TACR2: variants seen among roughly 807,000 people sequenced by gnomAD.
The protein encoded by TACR2 is substance-K receptor.
Under a neutral mutation model 28.9 loss-of-function variants are expected in TACR2, and 24 were observed. The observed-to-expected ratio is 0.83, with a 90% CI of 0.60 to 1.17. TACR2 has a LOEUF of 1.17. TACR2 is among the 50% of genes most tolerant of loss of function. The probability of loss-of-function intolerance (pLI) is 0.00; values close to 1 mark genes in which losing one functional copy is unlikely to be tolerated. For synonymous variants in TACR2, 222 were observed against 212.6 expected, an observed-to-expected ratio of 1.04 and a Z score of -0.38; for missense variants, 487 against 524.4, an observed-to-expected ratio of 0.93 and a Z score of 0.70.
chr10:69,412,559 G>A (rs201983044), intron 2 of TACR2, among the ~76,000 whole-genome samples: 92 of 152,276 alleles, frequency 6.0e-4, no homozygotes, highest in Non-Finnish European at 1.2e-3. Flanking sequence ...ATTTAATCAT[G>A]ACCAAATTTC....
At chr10:69,407,953 G>T (rs142159613) in intron 3 of TACR2, among the ~76,000 whole-genome samples, 2 of 152,174 alleles carry the variant, frequency 1.3e-5, no homozygotes, top group Non-Finnish European at 2.9e-5. Flanking sequence ...ACCAGATGGC[G>T]CCCATGTGCA....
chr10:69,415,204 C>T, intron 1 of TACR2, 65 bp from the exon 2 acceptor site: 1 of 1,518,840 alleles, frequency 6.6e-7, no homozygotes, highest in Non-Finnish European at 8.9e-7. Flanking sequence ...TTTCCCCTGT[C>T]TCCCTCTCTC....
At chr10:69,406,967 C>T in intron 4 of TACR2, 117 bp downstream of exon 4, 1 of 1,072,034 alleles carries the variant, frequency 9.3e-7, no homozygotes, top group Non-Finnish European at 1.4e-6. Context: ...GCTGGGGGCA[C>T]AGGGCCACAG....
intron 1 of TACR2, among the ~76,000 whole-genome samples, chr10:69,415,415 A>G (rs1446624865): frequency 6.6e-6 from 1 of 152,224 alleles, no homozygotes; most frequent in Non-Finnish European, 1.5e-5. Context: ...GCCACAAGAA[A>G]GCCACACTGG....
chr10:69,404,864 C>A lies in TACR2; in HGVS notation c.1159G>T (p.Gly387Cys). The A allele has an allele frequency of 6.3e-7, 1 of 1,585,158 alleles. No homozygotes were observed. The highest frequency in any genetic ancestry group is 1.1e-5 in the South Asian group (1 of 88,308). Residue 387 changes from glycine (G) to cysteine (C), a missense_variant, in exon 5 of 5, where the codon GGT becomes TGT. Gly to Cys is a radical substitution (Grantham distance 159). Coordinates refer to ENST00000373306, the MANE Select transcript of TACR2 (RefSeq NM_001057.3). ...TGAGTTTTGGTGGGGGCAAGCAAAC[C>A]ATACCCAAACCATAGCCCTGATCCA... ...QDGSGLWFGYGLLAPTKTHVE... is the reference protein window; with the variant it reads ...QDGSGLWFGYCLLAPTKTHVE...
intron 2 of TACR2, among the ~76,000 whole-genome samples, chr10:69,412,429 A>G (rs1391319370): frequency 1.3e-5 from 2 of 152,168 alleles, no homozygotes; most frequent in Non-Finnish European, 2.9e-5. Flanking sequence ...AGGAGGGGCA[A>G]CGAGGGCCAG....
rs1446034068 is a variant in TACR2 at position 69,415,129 on chromosome 10, T to C, written c.403A>G (p.Ile135Val). The C allele has an allele frequency of 1.9e-6, 3 of 1,611,680 alleles. No homozygotes were observed. The highest frequency in any genetic ancestry group is 1.7e-5 in the Admixed American group (1 of 59,984). Residue 135 changes from isoleucine to valine, a missense_variant, in exon 2 of 5, where the codon ATC (isoleucine) becomes GTC (valine). Ile to Val is a conservative substitution (Grantham distance 29, BLOSUM62 3). Coordinates refer to ENST00000373306, the MANE Select transcript of TACR2 (RefSeq NM_001057.3). ...AGCCGAGGCTGGAAGGGGTGGACGA[T>C]GGCCATGTACCTGTGAGCAGAGGGC... ...TAIAADRYMAIVHPFQPRLSA... is the reference protein window; with the variant it reads ...TAIAADRYMAVVHPFQPRLSA...
intron 2 of TACR2, among the ~76,000 whole-genome samples, chr10:69,409,941 ATAAT>A (rs1840555260): frequency 9.7e-6 from 1 of 103,362 alleles, no homozygotes; most frequent in South Asian, 3.4e-4. Flanking sequence ...ATATATATAT[ATAAT>A]CTGTATCTGT....
chr10:69,409,535 C>G (rs1024506553), intron 2 of TACR2, among the ~76,000 whole-genome samples: 1 of 151,946 alleles, frequency 6.6e-6, no homozygotes, highest in Non-Finnish European at 1.5e-5. Context: ...TTCACTTTCC[C>G]GGGTTTCAGT....
chr10:69,409,088 C>A lies in TACR2; in HGVS notation c.588-13G>T. 1 of 1,589,806 alleles carries A rather than the reference C, an allele frequency of 6.3e-7. No individual in the cohort carries two copies. The highest frequency in any genetic ancestry group is 8.5e-7 in the Non-Finnish European group (1 of 1,169,782). On this transcript the variant is annotated splice_polypyrimidine_tract_variant and intron_variant, in intron 2 of 4. Transcript: ENST00000373306. Reference sequence around the variant, plus strand: ...CACGAGGTGGTACCTGCAGGGAGAGCCGAGGCCTGGGCAGCGGAGGGCCCG... The same window carrying A: ...CACGAGGTGGTACCTGCAGGGAGAGACGAGGCCTGGGCAGCGGAGGGCCCG...
intron 2 of TACR2, among the ~76,000 whole-genome samples, chr10:69,412,370 T>A (rs1840576812): frequency 6.6e-6 from 1 of 151,970 alleles, no homozygotes; most frequent in Non-Finnish European, 1.5e-5. Context: ...TCCCTGATCC[T>A]CAAGTAGGCT....
intron 4 of TACR2, among the ~76,000 whole-genome samples, 153 bp from the exon 5 acceptor site, chr10:69,405,237 C>G (rs1840491444): frequency 6.6e-6 from 1 of 152,158 alleles, no homozygotes. Context: ...TTGAGAGATG[C>G]CTTCGTGGGT....
At chr10:69,415,227 C>T in intron 1 of TACR2, 88 bp from the exon 2 acceptor site, 1 of 1,426,886 alleles carries the variant, frequency 7.0e-7, no homozygotes, top group Non-Finnish European at 9.5e-7. Context: ...AACCCAGGCC[C>T]ACGCCTTCTA....
intron 2 of TACR2, among the ~76,000 whole-genome samples, chr10:69,409,925 A>ATATATG (rs1840553953): frequency 2.7e-5 from 2 of 74,692 alleles, no homozygotes; most frequent in Admixed American, 2.9e-4. Context: ...ATATATATAT[A>ATATATG]TATATATATA....
rs1416783330 is a variant in TACR2 at position 69,414,976 on chromosome 10, G to A, written c.556C>T (p.Pro186Ser). 1 of 1,613,272 alleles carries A rather than the reference G, an allele frequency of 6.2e-7. No homozygotes were observed. The highest frequency in any genetic ancestry group is 1.1e-5 in the South Asian group (1 of 91,036). ...QGATKCVVAWPEDSGGKTLLL... is the reference protein window; with the variant it reads ...QGATKCVVAWSEDSGGKTLLL... ...AGCGTCTTGCCCCCGCTGTCTTCGG[G>A]CCAGGCCACCACGCACTTGGTGGCA... The change falls in exon 2 of 5, where the codon CCC becomes TCC. Residue 186 changes from proline (P) to serine (S), a missense_variant. By Grantham distance (74) the Pro-to-Ser change is moderately conservative. Transcript: ENST00000373306.
In TACR2 at chr10:69,415,103, A is replaced by C; in HGVS notation, c.429T>G (p.Leu143=). The C allele has an allele frequency of 6.2e-7, 1 of 1,612,860 alleles. No homozygotes were observed. The highest frequency in any genetic ancestry group is 8.5e-7 in the Non-Finnish European group (1 of 1,179,978). The change falls in exon 2 of 5, where the codon CTT becomes CTG. Residue 143 remains leucine, a synonymous_variant. Coordinates refer to ENST00000373306, the MANE Select transcript of TACR2 (RefSeq NM_001057.3). The part of the protein sequence containing the change: ...MAIVHPFQPR[L]SAPSTKAVIA... The stretch of plus-strand genomic sequence containing the variant: ...TAACCGCCTTGGTGCTGGGAGCTGA[A>C]AGCCGAGGCTGGAAGGGGTGGACGA...
chr10:69,410,242 C>T lies in TACR2; in HGVS notation c.588-1167G>A, dbSNP rs1045677324. On this transcript the variant is annotated intron_variant, in intron 2 of 4. Coordinates refer to ENST00000373306, the MANE Select transcript of TACR2 (RefSeq NM_001057.3). ...CCTTTTGGAAACAGTGTAGGCCAGG[C>T]GTGGTGGCTCATGCCTGTAATCCCT... Among the ~76,000 whole-genome samples the T allele has an allele frequency of 1.3e-4, 19 of 151,942 alleles. 1 individual carries two copies. The highest frequency in any genetic ancestry group is 1.0e-3 in the Admixed American group (16 of 15,252).
At position 69,407,191 on chromosome 10, in the gene TACR2, C is replaced by A; in HGVS notation, c.831G>T (p.Glu277Asp). The A allele has an allele frequency of 6.2e-7, 1 of 1,614,012 alleles. No individual in the cohort carries two copies. Among genetic ancestry groups the A allele is most frequent in the South Asian group, 1.1e-5 (1 of 91,068 alleles). ...HLYFILGSFQ[E>D]DIYCHKFIQQ... ...GGATGAACTTGTGGCAGTAGATGTC[C>A]TCCTGGAAGCTGCCCAGGATGAAGT... Residue 277 changes from glutamate (E) to aspartate (D), a missense_variant, in exon 4 of 5, where the codon GAG becomes GAT. Coordinates refer to ENST00000373306, the MANE Select transcript of TACR2 (RefSeq NM_001057.3).
In TACR2 at chr10:69,416,222, T is replaced by A; in HGVS notation, c.102A>T (p.Ala34=). The change falls in exon 1 of 5, where the codon GCA becomes GCT. Residue 34 remains alanine (A), a synonymous_variant. Coordinates refer to ENST00000373306, the MANE Select transcript of TACR2 (RefSeq NM_001057.3). ...GGGCCAGGTAGGCTGTGGCCCACAG[T>A]GCCAGTTGCCAGCTGGGCATGGAGA... ...TAFSMPSWQL[A]LWATAYLALV... is the part of the protein sequence containing the mutation. 1.2e-6 allele frequency: 2 copies of A among 1,613,982 alleles called. No homozygotes were observed. The highest frequency in any genetic ancestry group is 1.7e-6 in the Non-Finnish European group (2 of 1,179,906).
Sources: gnomAD v4.1 joint callset for allele counts (sites outside exome capture counted in the v4.1 genomes callset) on GRCh38, gnomAD v4.1.1 for gene constraint, MANE v1.5 for transcripts, NCBI Gene and HGNC (gene_info 2026-07-23, HGNC 2026-07-21) for gene names.